SLC10A7: variants seen among roughly 807,000 people sequenced by gnomAD.
The protein encoded by SLC10A7 is solute carrier family 10 member 7.
In SLC10A7, 29 loss-of-function variants were observed where a neutral mutation model predicts 43.2. That is an observed-to-expected ratio of 0.67 (90% CI 0.50 to 0.92). The LOEUF (loss-of-function observed/expected upper bound fraction) is 0.92. SLC10A7 is among the 40% of genes least tolerant of loss of function. SLC10A7 has a pLI of 0.00. For missense variants in SLC10A7, 295 were observed against 403.2 expected, an observed-to-expected ratio of 0.73 and a Z score of 2.30; for synonymous variants, 152 against 144.8, an observed-to-expected ratio of 1.05 and a Z score of -0.35.
At position 146,268,845 on chromosome 4, in the gene SLC10A7, G is replaced by A. The variant is rs557077541; in HGVS notation, c.848-10008C>T. 4.6e-5 allele frequency among the ~76,000 whole-genome samples: 7 copies of A among 152,208 alleles called. No individual in the cohort carries two copies. In the East Asian group the frequency reaches 9.7e-4, roughly 21 times the overall value. On this transcript the variant is annotated intron_variant, in intron 10 of 11. Coordinates refer to ENST00000335472, the MANE Select transcript of SLC10A7 (RefSeq NM_001029998.6). The stretch of plus-strand genomic sequence containing the variant: ...TGAAATACCTGAAAAGAATTTGTCA[G>A]GGTACTTAGGAACCCTAAAAAAGGG...
chr4:146,289,925 T>A (rs1307311959), intron 9 of SLC10A7, among the ~76,000 whole-genome samples: 2 of 149,888 alleles, frequency 1.3e-5, no homozygotes, highest in East Asian at 2.0e-4. Context: ...CATGTTGGCC[T>A]GGCTGGTTTT....
chr4:146,419,844 A>T (rs186604422), intron 5 of SLC10A7, among the ~76,000 whole-genome samples: 1 of 152,298 alleles, frequency 6.6e-6, no homozygotes, highest in East Asian at 1.9e-4. Flanking sequence ...TAAAAAAAAA[A>T]AGAAATCACA....
intron 5 of SLC10A7, among the ~76,000 whole-genome samples, chr4:146,336,452 A>C (rs1002179457): frequency 3.9e-5 from 6 of 152,058 alleles, no homozygotes; most frequent in South Asian, 2.1e-4. Flanking sequence ...CAAAATTACT[A>C]GTTAATAGTG....
rs180814470 is a variant in SLC10A7 at position 146,275,597 on chromosome 4, A to G, written c.847+7595T>C. Among the ~76,000 whole-genome samples, 97 of 152,086 alleles carry G rather than the reference A, an allele frequency of 6.4e-4. 1 individual carries two copies. Among genetic ancestry groups the G allele is most frequent in the African/African-American group, 2.2e-3 (90 of 41,462 alleles). On this transcript the variant is annotated intron_variant, in intron 10 of 11. Transcript: ENST00000335472. ...TGGTGCCCACAAAGTATTTATGGGA[A>G]GTGACCTACACCAAGCTGGTCATGT...
At chr4:146,386,302 C>A (rs990161351) in intron 5 of SLC10A7, among the ~76,000 whole-genome samples, 1 of 151,880 alleles carries the variant, frequency 6.6e-6, no homozygotes, top group African/African-American at 2.4e-5. Context: ...TATCTCATTG[C>A]GGTTTTGATT....
In SLC10A7 at chr4:146,367,906, C is replaced by A. The variant is rs1736507701; in HGVS notation, c.436-41910G>T. Among the ~76,000 whole-genome samples the A allele has an allele frequency of 2.6e-5, 4 of 152,132 alleles. No individual in the cohort carries two copies. The South Asian group carries it at 8.3e-4, about 32-fold the overall frequency. ...AGTTGATAACAAATGAGCCTTCAAT[C>A]AAAGAACAATAGCAAGTGACAAAGG... On this transcript the variant is annotated intron_variant, in intron 5 of 11. Coordinates refer to ENST00000335472, the MANE Select transcript of SLC10A7 (RefSeq NM_001029998.6).
rs561080939 is a variant in SLC10A7, at chr4:146,451,245, A to C, written c.397-8424T>G. On this transcript the variant is annotated intron_variant, in intron 4 of 11. Transcript: ENST00000335472. ...AAGTCTCCCACCAAAAAAAAAAAAA[A>C]AAAAACAAAAAAAAACCAGGACCAG... Among the ~76,000 whole-genome samples the C allele has an allele frequency of 5.7e-4, 85 of 149,432 alleles. 1 individual carries two copies. The highest frequency in any genetic ancestry group is 2.1e-3 in the Admixed American group (32 of 15,012).
At chr4:146,399,371 A>G (rs1739061052) in intron 5 of SLC10A7, among the ~76,000 whole-genome samples, 5 of 152,304 alleles carry the variant, frequency 3.3e-5, no homozygotes, top group Admixed American at 3.3e-4. Flanking sequence ...AAGTTAAGAA[A>G]GGTTTTTAAC....
At position 146,402,785 on chromosome 4, in the gene SLC10A7, C is replaced by A. The variant is rs1739313076; in HGVS notation, c.435+39998G>T. On this transcript the variant is annotated intron_variant, in intron 5 of 11. Transcript: ENST00000335472. ...GGCCTCTATTACTGCTTTAGAGAAG[C>A]CAGCTGTCACACTAATTGTTGTTTA... is the stretch of plus-strand genomic sequence containing the variant. Among the ~76,000 whole-genome samples, 3 of 152,114 alleles carry A rather than the reference C, an allele frequency of 2.0e-5. No individual in the cohort carries two copies. The South Asian group carries it at 6.2e-4, about 32-fold the overall frequency.
At chr4:146,341,749 A>G (rs549889725) in intron 5 of SLC10A7, among the ~76,000 whole-genome samples, 1 of 151,914 alleles carries the variant, frequency 6.6e-6, no homozygotes, top group South Asian at 2.1e-4. Context: ...AAAGCCTTCT[A>G]AAAAGACAAA....
At chr4:146,357,803 G>T (rs1160351456) in intron 5 of SLC10A7, among the ~76,000 whole-genome samples, 1 of 152,134 alleles carries the variant, frequency 6.6e-6, no homozygotes, top group Non-Finnish European at 1.5e-5. Flanking sequence ...TTCCCTCCAG[G>T]AGAGTCTTGA....
chr4:146,422,503 C>T (rs1354018616), intron 5 of SLC10A7, among the ~76,000 whole-genome samples: 1 of 152,000 alleles, frequency 6.6e-6, no homozygotes, highest in African/African-American at 2.4e-5. Context: ...ATAACATTTA[C>T]CTAAAAAGAA....
chr4:146,320,235 G>T (rs2149699469), intron 6 of SLC10A7, among the ~76,000 whole-genome samples: 1 of 152,188 alleles, frequency 6.6e-6, no homozygotes, highest in South Asian at 2.1e-4. Context: ...AGGTACATAT[G>T]CAGGAAGGTG....
At chr4:146,287,109 TGG>T (rs1730069557) in intron 9 of SLC10A7, among the ~76,000 whole-genome samples, 7 of 150,702 alleles carry the variant, frequency 4.6e-5, no homozygotes, top group Non-Finnish European at 7.4e-5. Flanking sequence ...GGACCGAGTC[TGG>T]AGTGGTGAGA....
chr4:146,285,364 G>A (rs191580351), intron 9 of SLC10A7, among the ~76,000 whole-genome samples: 24 of 152,286 alleles, frequency 1.6e-4, no homozygotes, highest in African/African-American at 5.3e-4. Context: ...CATGGAGATA[G>A]GATGAAAAGA....
chr4:146,351,216 C>G (rs1391226980), intron 5 of SLC10A7, among the ~76,000 whole-genome samples: 1 of 149,978 alleles, frequency 6.7e-6, no homozygotes, highest in Non-Finnish European at 1.5e-5. Flanking sequence ...AACCAAGGCT[C>G]GAGAACTACG....
intron 5 of SLC10A7, among the ~76,000 whole-genome samples, chr4:146,366,719 T>C (rs59834872): frequency 0.029 from 4,486 of 152,268 alleles, 225 homozygotes; most frequent in African/African-American, 0.1. Context: ...ATTTTATAAA[T>C]TTGATGTAAT....
intron 4 of SLC10A7, among the ~76,000 whole-genome samples, chr4:146,499,082 CAT>C (rs1174267905): frequency 6.6e-6 from 1 of 152,034 alleles, no homozygotes; most frequent in East Asian, 1.9e-4. Flanking sequence ...GTATTTAGTA[CAT>C]GAGAGCACAT....
intron 6 of SLC10A7, among the ~76,000 whole-genome samples, chr4:146,316,835 A>G (rs774285507): frequency 4.6e-5 from 7 of 152,092 alleles, no homozygotes; most frequent in Non-Finnish European, 8.8e-5. Flanking sequence ...TGCATTTCAG[A>G]TGATGCTTTT....
Sources: allele counts gnomAD v4.1 joint callset (sites outside exome capture counted in the v4.1 genomes callset), GRCh38; gene constraint gnomAD v4.1.1; transcripts MANE v1.5; gene names NCBI Gene and HGNC (gene_info 2026-07-23, HGNC 2026-07-21).